The following MPHOSPH8 variants were observed in gnomAD, a reference collection of about 807,000 sequenced individuals.
MPHOSPH8 encodes the protein M-phase phosphoprotein, mpp.
A neutral mutation model predicts 87.3 loss-of-function variants in MPHOSPH8; 45 were observed. The ratio of observed to expected loss-of-function variants is 0.52; its 90% CI spans 0.41 to 0.66. The LOEUF (loss-of-function observed/expected upper bound fraction) is 0.66. MPHOSPH8 is among the 30% of genes least tolerant of loss of function. The pLI, the probability that MPHOSPH8 is intolerant of heterozygous loss-of-function variation, is 0.00. For synonymous variants in MPHOSPH8, 366 were observed against 376.9 expected (o/e 0.97, Z 0.33); for missense variants, 883 against 1,020.2 (o/e 0.87, Z 1.83).
chr13:19,669,126 A>G (rs1875980458), intron 11 of MPHOSPH8, among the ~76,000 whole-genome samples: 2 of 152,184 alleles, frequency 1.3e-5, no homozygotes, highest in Non-Finnish European at 2.9e-5. Context: ...TTAAGAACAT[A>G]TAGCCCTGCC....
In MPHOSPH8 at chr13:19,656,834, G is replaced by T. The variant is rs1319422879; in HGVS notation, c.1577-2161G>T. Among the ~76,000 whole-genome samples the T allele has an allele frequency of 4.0e-5, 6 of 151,466 alleles. No individual in the cohort carries two copies. The East Asian group carries it at 9.9e-4, about 25-fold the overall frequency. On this transcript the variant is annotated intron_variant, in intron 5 of 13. Transcript: ENST00000361479. Reference sequence around the variant, plus strand: ...GATTTAAAAGATTGCTTAGAATATTGTTCATAAAAGATGGGCCAGGCACGG... The same window carrying T: ...GATTTAAAAGATTGCTTAGAATATTTTTCATAAAAGATGGGCCAGGCACGG...
intron 4 of MPHOSPH8, among the ~76,000 whole-genome samples, chr13:19,649,142 G>A (rs1874717811): frequency 6.6e-6 from 1 of 152,204 alleles, no homozygotes; most frequent in Non-Finnish European, 1.5e-5. Flanking sequence ...AGCAGTGGCT[G>A]TTTCAGTGGG....
In MPHOSPH8 at chr13:19,642,326, A is replaced by G. The variant is rs542535826; in HGVS notation, c.369+56A>G. ...CATACATAAATTTATTGTAAATTTT[A>G]ACTCTCAAAGTATGTGTAGTAAATG... On this transcript the variant is annotated intron_variant, in intron 2 of 13. Transcript: ENST00000361479. 131 of 1,393,016 alleles carry G rather than the reference A, an allele frequency of 9.4e-5. 1 individual carries two copies. In the South Asian group the frequency reaches 1.7e-3, roughly 18 times the overall value. 86.3% of individuals were successfully genotyped at this position (1,393,016 alleles called of 1,614,324 possible).
At position 19,659,240 on chromosome 13, in the gene MPHOSPH8, C is replaced by G. The variant is rs143212176; in HGVS notation, c.1742C>G (p.Thr581Ser). 94 of 1,612,352 alleles carry G rather than the reference C, an allele frequency of 5.8e-5. No individual in the cohort carries two copies. In the African/African-American group the frequency reaches 1.2e-3, roughly 21 times the overall value. The change falls in exon 7 of 14, where the codon ACT becomes AGT. Residue 581 changes from threonine to serine, a missense_variant. By Grantham distance (58) the Thr-to-Ser change is moderately conservative. Transcript: ENST00000361479. ...GCTGTGAAAAATGGGGATTATATTA[C>G]TGTAAAAGTTGCACTTAATTCAAAT... Reference protein sequence around the residue: ...RDAVKNGDYITVKVALNSNEE... With the variant: ...RDAVKNGDYISVKVALNSNEE...
intron 7 of MPHOSPH8, chr13:19,659,668 A>G (rs1875400442): frequency 2.3e-6 from 1 of 435,478 alleles, no homozygotes; most frequent in Non-Finnish European, 4.6e-6. Context: ...CCATCTCAAA[A>G]AAAAAAAAAA....
At position 19,663,022 on chromosome 13, in the gene MPHOSPH8, CT is replaced by C. The variant is rs1243359889; in HGVS notation, c.1933-11del. 3 of 1,582,406 alleles carry C rather than the reference CT, an allele frequency of 1.9e-6. No homozygotes were observed. The highest frequency in any genetic ancestry group is 4.5e-5 in the East Asian group (2 of 44,722). ...AAATAATTTGGGAAATTAAATTTGC[CT>C]TTTTTTCTTTTCATAGAACTTTTTA... On this transcript the variant is annotated splice_polypyrimidine_tract_variant and intron_variant, in intron 8 of 13. Transcript: ENST00000361479.
rs1555221909 is a variant in MPHOSPH8 at position 19,642,040 on chromosome 13, G to GGT, written c.214-75_214-74insGT. On this transcript the variant is annotated intron_variant, in intron 1 of 13. Coordinates refer to ENST00000361479, the MANE Select transcript of MPHOSPH8 (RefSeq NM_017520.4). ...CAAGTTCTTTCATGTCTTCTCATCAGTTTTTTTTTTTTTTTTGGAAATTTA... is the reference window on the plus strand; with the variant it reads ...CAAGTTCTTTCATGTCTTCTCATCAGGTTTTTTTTTTTTTTTTTGGAAATTTA... 1.3e-5 allele frequency: 7 copies of GGT among 555,958 alleles called. No homozygotes were observed. In the South Asian group the frequency reaches 4.4e-4, roughly 35 times the overall value. The allele number at this position is 555,958 out of a possible 1,614,324, so 34.4% of individuals were successfully genotyped here.
At position 19,642,115 on chromosome 13, in the gene MPHOSPH8, G is replaced by T. The variant is rs1166026873; in HGVS notation, c.214G>T (p.Gly72Cys). The T allele has an allele frequency of 1.3e-6, 2 of 1,537,686 alleles. No homozygotes were observed. Among genetic ancestry groups the T allele is most frequent in the East Asian group, 2.5e-5 (1 of 40,180 alleles). Residue 72 changes from glycine to cysteine, a missense_variant and splice_region_variant, in exon 2 of 14, where the codon GGT (glycine) becomes TGT (cysteine). Physicochemically the swap from Gly to Cys is radical, Grantham distance 159. Around this residue, in one of 3 missense-constraint regions of MPHOSPH8, gnomAD observed 103 missense variants for 96.3 expected, o/e 1.07. Transcript: ENST00000361479. ...EKILDMKTEG[G>C]KVLYKVRWKG... is the part of the protein sequence containing the mutation. ...TGCCTCCTTTTATTTTCTATAACAG[G>T]GTAAAGTTCTTTACAAAGTTCGCTG...
chr13:19,648,471 ATGATTCTGACAAGG>A lies in MPHOSPH8; in HGVS notation c.1269_1282del (p.His423GlnfsTer15). ...TCCAAAGAAAAATATCAGAAAAGGC[ATGATTCTGACAAGG>A]AAGAAAAAGGCAGAAAAGAGCCAAA... On this transcript the variant is annotated frameshift_variant, in exon 4 of 14. Coordinates refer to ENST00000361479, the MANE Select transcript of MPHOSPH8 (RefSeq NM_017520.4). LOFTEE classifies it high-confidence loss of function. The A allele has an allele frequency of 6.3e-7, 1 of 1,587,764 alleles. No homozygotes were observed. Among genetic ancestry groups the A allele is most frequent in the Non-Finnish European group, 8.6e-7 (1 of 1,168,372 alleles).
intron 9 of MPHOSPH8, 35 bp from the exon 10 acceptor site, chr13:19,666,390 G>A (rs779080208): frequency 2.0e-5 from 31 of 1,579,156 alleles, no homozygotes; most frequent in Non-Finnish European, 2.6e-5. Context: ...ACAGTTTACA[G>A]CTAAGTAATT....
chr13:19,659,883 T>G (rs1354277090), intron 7 of MPHOSPH8, among the ~76,000 whole-genome samples: 2 of 151,850 alleles, frequency 1.3e-5, no homozygotes, highest in African/African-American at 4.8e-5. Context: ...GTTTCTTTGA[T>G]GGTTGTCCCA....
intron 11 of MPHOSPH8, 145 bp downstream of exon 11, chr13:19,668,676 C>T (rs1875954094): frequency 1.1e-6 from 1 of 905,090 alleles, no homozygotes; most frequent in Non-Finnish European, 1.6e-6. Flanking sequence ...ACAGTAGAGC[C>T]ACTCTGGTGG....
chr13:19,646,425 C>G lies in MPHOSPH8; in HGVS notation c.370-18C>G, dbSNP rs754005233. ...TCAATATGTTAATGAATATTTTAATCTGTTTTGTATTTTATAGAGACTATC... is the reference window on the plus strand; with the variant it reads ...TCAATATGTTAATGAATATTTTAATGTGTTTTGTATTTTATAGAGACTATC... On this transcript the variant is annotated intron_variant, in intron 2 of 13. Coordinates refer to ENST00000361479, the MANE Select transcript of MPHOSPH8 (RefSeq NM_017520.4). The G allele has an allele frequency of 6.4e-6, 9 of 1,397,630 alleles. No homozygotes were observed. The African/African-American group carries it at 1.3e-4, about 21-fold the overall frequency. The allele number at this position is 1,397,630 out of a possible 1,614,324, so 86.6% of individuals were successfully genotyped here.
chr13:19,667,819 T>C (rs1875898937), intron 10 of MPHOSPH8, among the ~76,000 whole-genome samples: 2 of 152,264 alleles, frequency 1.3e-5, no homozygotes, highest in South Asian at 4.1e-4. Flanking sequence ...AATTTAGTAT[T>C]TCTATCACTT....
intron 1 of MPHOSPH8, among the ~76,000 whole-genome samples, chr13:19,634,405 T>C (rs1221513873): frequency 2.6e-5 from 4 of 152,148 alleles, no homozygotes; most frequent in Non-Finnish European, 5.9e-5. Context: ...TGGAGTAAAA[T>C]CTCAATCTTA....
At chr13:19,645,943 C>G (rs1245240129) in intron 2 of MPHOSPH8, among the ~76,000 whole-genome samples, 1 of 151,976 alleles carries the variant, frequency 6.6e-6, no homozygotes, top group East Asian at 1.9e-4. Flanking sequence ...TTTCAGATAA[C>G]ACATGAACTT....
At chr13:19,643,723 GT>G (rs1308283583) in intron 2 of MPHOSPH8, among the ~76,000 whole-genome samples, 3 of 152,024 alleles carry the variant, frequency 2.0e-5, no homozygotes, top group Non-Finnish European at 4.4e-5. Flanking sequence ...TGCTAAAACT[GT>G]TGTACATTTA....
In MPHOSPH8 at chr13:19,670,372, C is replaced by T; in HGVS notation, c.2457+9C>T. On this transcript the variant is annotated intron_variant, in intron 12 of 13. Transcript: ENST00000361479. ...AGCTTCCTGTTTTTCTGGTAAGATA[C>T]TCTGTATTTCACTACTGAAAAGTAC... 1.2e-6 allele frequency: 2 copies of T among 1,612,782 alleles called. No homozygotes were observed. Among genetic ancestry groups the T allele is most frequent in the Non-Finnish European group, 1.7e-6 (2 of 1,179,048 alleles).
At chr13:19,642,605 T>C (rs1488409991) in intron 2 of MPHOSPH8, among the ~76,000 whole-genome samples, 1 of 152,156 alleles carries the variant, frequency 6.6e-6, no homozygotes, top group Non-Finnish European at 1.5e-5. Context: ...TGTTTTTGTA[T>C]ATTTATTCTG....
Sources: gnomAD v4.1 joint callset for allele counts (sites outside exome capture counted in the v4.1 genomes callset) on GRCh38, gnomAD v4.1.1 for gene constraint, gnomAD v4.1.1 regional missense constraint, MANE v1.5 for transcripts, NCBI Gene and HGNC (gene_info 2026-07-23, HGNC 2026-07-21) for gene names.